Variants in CSTPP1 observed in about 807,000 individuals in gnomAD.
CSTPP1 encodes centriolar satellite-associated tubulin polyglutamylase complex regulator 1.
the CSTPP1 span, among the ~76,000 whole-genome samples, chr11:47,140,369 T>A: frequency 6.6e-6 from 1 of 152,220 alleles, no homozygotes; most frequent in Non-Finnish European, 1.5e-5. Flanking sequence ...AGCTTTAAAT[T>A]TCCATGATCG....
the CSTPP1 span, among the ~76,000 whole-genome samples, chr11:47,140,132 G>A: frequency 6.6e-6 from 1 of 152,164 alleles, no homozygotes; most frequent in Admixed American, 6.5e-5. Context: ...TGCAAAACCT[G>A]TTTAGTGATC....
the CSTPP1 span, among the ~76,000 whole-genome samples, chr11:47,132,684 C>T: frequency 6.6e-6 from 1 of 152,266 alleles, no homozygotes; most frequent in East Asian, 1.9e-4. Flanking sequence ...GCCCAACTAC[C>T]CTGTGCTGTT....
chr11:47,140,463 C>A, the CSTPP1 span, among the ~76,000 whole-genome samples: 3 of 152,266 alleles, frequency 2.0e-5, no homozygotes, highest in Admixed American at 2.0e-4. Context: ...CACTCTGTAG[C>A]CCAGGCTGGA....
the CSTPP1 span, among the ~76,000 whole-genome samples, chr11:46,974,657 A>G: frequency 6.6e-6 from 1 of 151,898 alleles, no homozygotes; most frequent in Non-Finnish European, 1.5e-5. Context: ...CCTGGCCAAC[A>G]TGGTGAAACC....
chr11:46,959,523 A>T, the CSTPP1 span, among the ~76,000 whole-genome samples: 1 of 152,136 alleles, frequency 6.6e-6, no homozygotes, highest in Non-Finnish European at 1.5e-5. Flanking sequence ...TGGGAAGAGG[A>T]TCTAGAAATA....
the CSTPP1 span, chr11:46,947,939 TCC>T: frequency 9.7e-6 from 4 of 410,264 alleles, no homozygotes; most frequent in Admixed American, 2.9e-5. Context: ...TTTTTTTTTT[TCC>T]CTTTAAATTA....
At chr11:47,159,663 A>G in the CSTPP1 span, 10 of 456,250 alleles carry the variant, frequency 2.2e-5, no homozygotes, top group African/African-American at 1.0e-4. Flanking sequence ...CCAATTAGCA[A>G]CTGGGTCACA....
the CSTPP1 span, among the ~76,000 whole-genome samples, chr11:47,109,600 AATG>A: frequency 6.6e-6 from 1 of 152,118 alleles, no homozygotes; most frequent in African/African-American, 2.4e-5. Flanking sequence ...GGTGACTTGA[AATG>A]ATGATGTGTG....
the CSTPP1 span, among the ~76,000 whole-genome samples, chr11:47,018,917 T>C: frequency 6.6e-6 from 1 of 152,262 alleles, no homozygotes; most frequent in Non-Finnish European, 1.5e-5. Flanking sequence ...TTATATATTC[T>C]GGATACAAGT....
chr11:46,975,047 G>GT, the CSTPP1 span, among the ~76,000 whole-genome samples: 1 of 151,524 alleles, frequency 6.6e-6, no homozygotes, highest in Non-Finnish European at 1.5e-5. Context: ...CTTTGGGGAG[G>GT]CTGAGGCAGG....
chr11:46,946,427 G>C, the CSTPP1 span, among the ~76,000 whole-genome samples: 2 of 152,370 alleles, frequency 1.3e-5, no homozygotes, highest in South Asian at 2.1e-4. Context: ...GGGAGGCCAA[G>C]GCGGGTGGAT....
chr11:47,137,579 G>A, the CSTPP1 span: 1 of 1,611,526 alleles, frequency 6.2e-7, no homozygotes, highest in Middle Eastern at 1.7e-4. Context: ...CTCATGAAAT[G>A]AACAAAAAGA....
the CSTPP1 span, among the ~76,000 whole-genome samples, chr11:47,077,332 T>C: frequency 6.6e-6 from 1 of 151,898 alleles, no homozygotes; most frequent in East Asian, 1.9e-4. Flanking sequence ...CCCAAGCAGC[T>C]GAGATTAGAG....
chr11:47,023,350 C>G, the CSTPP1 span: 1 of 154,988 alleles, frequency 6.5e-6, no homozygotes, highest in Non-Finnish European at 1.5e-5. Flanking sequence ...AGCTGGACCT[C>G]CTGAACTGTG....
the CSTPP1 span, among the ~76,000 whole-genome samples, chr11:47,001,170 T>C: frequency 2.6e-5 from 4 of 152,228 alleles, no homozygotes; most frequent in Non-Finnish European, 5.9e-5. Flanking sequence ...AAAATGATCA[T>C]TTGATTGATT....
chr11:47,001,530 TCTTTTA>T, the CSTPP1 span, among the ~76,000 whole-genome samples: 6 of 152,186 alleles, frequency 3.9e-5, no homozygotes, highest in South Asian at 2.1e-4. Flanking sequence ...TTTTTTCTTT[TCTTTTA>T]CTTTAAGTTC....
chr11:46,971,988 T>G, the CSTPP1 span, among the ~76,000 whole-genome samples: 1 of 152,178 alleles, frequency 6.6e-6, no homozygotes, highest in African/African-American at 2.4e-5. Context: ...TGCCATCAGC[T>G]TCATCCTTTT....
chr11:47,001,593 G>A, the CSTPP1 span, among the ~76,000 whole-genome samples: 2 of 151,268 alleles, frequency 1.3e-5, no homozygotes, highest in Admixed American at 6.6e-5. Context: ...AGGTAATAGT[G>A]CATATTCCTA....
chr11:47,043,098 G>GT, the CSTPP1 span, among the ~76,000 whole-genome samples: 1 of 152,270 alleles, frequency 6.6e-6, no homozygotes, highest in East Asian at 1.9e-4. Context: ...TTCAGAAGGC[G>GT]TAGGTAACTG....
Sources: allele counts gnomAD v4.1 joint callset (sites outside exome capture counted in the v4.1 genomes callset), GRCh38; gene constraint gnomAD v4.1.1; transcripts MANE v1.5; gene names NCBI Gene and HGNC (gene_info 2026-07-23, HGNC 2026-07-21).